The following TTC29 variants were observed in gnomAD, a reference collection of about 807,000 sequenced individuals.
TTC29 encodes tetratricopeptide repeat protein 29.
Under a neutral mutation model 58.1 loss-of-function variants are expected in TTC29, and 49 were observed. The ratio of observed to expected loss-of-function variants is 0.84; its 90% CI spans 0.67 to 1.07. The LOEUF is 1.07. Ranked by LOEUF, TTC29 falls within the 50% of genes least tolerant of loss-of-function variation. The probability of loss-of-function intolerance (pLI) is 0.00; values close to 1 mark genes in which losing one functional copy is unlikely to be tolerated. For missense variants in TTC29, 582 were observed against 555.6 expected (o/e 1.05, Z -0.48); for synonymous variants, 209 against 196.8 (o/e 1.06, Z -0.52).
At chr4:146,910,111 T>TA (rs896644074) in intron 4 of TTC29, among the ~76,000 whole-genome samples, 36 of 150,934 alleles carry the variant, frequency 2.4e-4, no homozygotes, top group Non-Finnish European at 3.4e-4. Flanking sequence ...TTATATTCTT[T>TA]AAAAAAAAAT....
At chr4:146,820,353 C>A in intron 9 of TTC29, 105 bp from the exon 10 acceptor site, 1 of 1,275,644 alleles carries the variant, frequency 7.8e-7, no homozygotes, top group Non-Finnish European at 1.1e-6. Flanking sequence ...AGATGGTTAT[C>A]AGGATAATAA....
intron 6 of TTC29, among the ~76,000 whole-genome samples, chr4:146,896,250 T>C (rs2150257973): frequency 6.6e-6 from 1 of 152,322 alleles, no homozygotes; most frequent in African/African-American, 2.4e-5. Flanking sequence ...AAGAATGTTT[T>C]CCAGTTGTTT....
chr4:146,849,496 G>A (rs536342640), intron 8 of TTC29, among the ~76,000 whole-genome samples: 12 of 152,180 alleles, frequency 7.9e-5, no homozygotes, highest in African/African-American at 2.9e-4. Flanking sequence ...GACATTCATC[G>A]CAGCCCAGTG....
intron 9 of TTC29, among the ~76,000 whole-genome samples, chr4:146,831,453 A>G (rs927772354): frequency 6.6e-6 from 1 of 152,136 alleles, no homozygotes; most frequent in African/African-American, 2.4e-5. Flanking sequence ...AATGGAGATA[A>G]ATCTTCTTGC....
rs142516792 is a variant in TTC29 at position 146,739,359 on chromosome 4, G to A, written c.1331-31808C>T. Among the ~76,000 whole-genome samples the A allele has an allele frequency of 4.6e-3, 704 of 152,250 alleles. 3 individuals are homozygous for A. Among genetic ancestry groups the A allele is most frequent in the African/African-American group, 0.016 (676 of 41,542 alleles). ...CCTTCACCCTGACGTCATTCCTTAT[G>A]CTTCCAACTGTACGTGATCTTTCTC... On this transcript the variant is annotated intron_variant, in intron 11 of 12. Transcript: ENST00000325106.
intron 11 of TTC29, among the ~76,000 whole-genome samples, chr4:146,773,575 A>G (rs1747878034): frequency 6.6e-6 from 1 of 152,070 alleles, no homozygotes; most frequent in Admixed American, 6.6e-5. Context: ...AGACTACTTG[A>G]TCATAGGCTC....
chr4:146,804,647 A>C (rs1037494391), intron 10 of TTC29, among the ~76,000 whole-genome samples: 1 of 152,128 alleles, frequency 6.6e-6, no homozygotes, highest in African/African-American at 2.4e-5. Flanking sequence ...AGCACACCAC[A>C]GCTCCCCAAA....
intron 11 of TTC29, among the ~76,000 whole-genome samples, chr4:146,767,153 T>C (rs1747388020): frequency 6.6e-6 from 1 of 152,024 alleles, no homozygotes; most frequent in Admixed American, 6.6e-5. Context: ...TCATCCTATT[T>C]ATGATACTTT....
chr4:146,813,600 C>A (rs923500061), intron 10 of TTC29, among the ~76,000 whole-genome samples: 3 of 151,968 alleles, frequency 2.0e-5, no homozygotes, highest in South Asian at 2.1e-4. Context: ...AATTACAATA[C>A]CTTGCAGGAG....
At chr4:146,869,113 A>C (rs199557090) in intron 7 of TTC29, among the ~76,000 whole-genome samples, 8,078 of 151,692 alleles carry the variant, frequency 0.053, 346 homozygotes, top group East Asian at 0.13. Context: ...AAAAAAAAAA[A>C]AAAAAACCTC....
At chr4:146,865,267 A>T (rs1730491258) in intron 8 of TTC29, among the ~76,000 whole-genome samples, 1 of 152,192 alleles carries the variant, frequency 6.6e-6, no homozygotes, top group Non-Finnish European at 1.5e-5. Context: ...AATTTGTCAC[A>T]TCTGATGAAA....
intron 8 of TTC29, among the ~76,000 whole-genome samples, chr4:146,841,051 G>T (rs1579805390): frequency 6.6e-6 from 1 of 152,134 alleles, no homozygotes; most frequent in Admixed American, 6.6e-5. Context: ...TGATTTCAAA[G>T]AAAGTATTTA....
intron 11 of TTC29, among the ~76,000 whole-genome samples, chr4:146,710,368 A>G (rs1159182525): frequency 6.6e-6 from 1 of 152,198 alleles, no homozygotes; most frequent in African/African-American, 2.4e-5. Flanking sequence ...CCACAGTGTT[A>G]TGATGGCTAA....
At chr4:146,768,483 T>C (rs1747488854) in intron 11 of TTC29, among the ~76,000 whole-genome samples, 1 of 152,054 alleles carries the variant, frequency 6.6e-6, no homozygotes, top group African/African-American at 2.4e-5. Flanking sequence ...TCTTTATTAC[T>C]ATAAACTGTC....
rs762287702 is a variant in TTC29 at position 146,909,268 on chromosome 4, A to G, written c.177-19T>C. 5 of 1,559,032 alleles carry G rather than the reference A, an allele frequency of 3.2e-6. No homozygotes were observed. The highest frequency in any genetic ancestry group is 4.4e-6 in the Non-Finnish European group (5 of 1,138,578). On this transcript the variant is annotated intron_variant, in intron 4 of 12. Transcript: ENST00000325106. The stretch of plus-strand genomic sequence containing the variant: ...CCTATAACTGGAAATATGAATCAGA[A>G]CACTCTCAGGTTTATGTTAATCCTT...
chr4:146,753,974 C>A (rs1385688623), intron 11 of TTC29, among the ~76,000 whole-genome samples: 1 of 151,836 alleles, frequency 6.6e-6, no homozygotes, highest in African/African-American at 2.4e-5. Context: ...TTAATGGGTG[C>A]AGCACACCAT....
intron 4 of TTC29, among the ~76,000 whole-genome samples, chr4:146,911,542 A>G (rs1446707483): frequency 6.6e-6 from 1 of 152,222 alleles, no homozygotes; most frequent in African/African-American, 2.4e-5. Context: ...CTTGTCTCAC[A>G]GTGCTGTGAA....
intron 11 of TTC29, among the ~76,000 whole-genome samples, chr4:146,709,416 CTG>C (rs1742323028): frequency 6.6e-6 from 1 of 151,786 alleles, no homozygotes; most frequent in African/African-American, 2.4e-5. Context: ...CCTCATTTTT[CTG>C]TCTCTTCTTC....
At chr4:146,923,894 T>G (rs960265004) in intron 4 of TTC29, among the ~76,000 whole-genome samples, 1 of 151,770 alleles carries the variant, frequency 6.6e-6, no homozygotes, top group African/African-American at 2.4e-5. Flanking sequence ...ATAAAAAGAT[T>G]AGTGGCATTA....
Sources: allele counts gnomAD v4.1 joint callset (sites outside exome capture counted in the v4.1 genomes callset), GRCh38; gene constraint gnomAD v4.1.1; transcripts MANE v1.5; gene names NCBI Gene and HGNC (gene_info 2026-07-23, HGNC 2026-07-21).